The following IMMP2L variants were observed in gnomAD, a reference collection of about 807,000 sequenced individuals.
The protein encoded by IMMP2L is inner mitochondrial membrane peptidase subunit 2, also known as mitochondrial inner membrane protease subunit 2.
IMMP2L carries 18 observed loss-of-function variants against 19.3 expected under a neutral mutation model. The ratio of observed to expected loss-of-function variants is 0.93; its 90% CI spans 0.64 to 1.38. The LOEUF is 1.38. Among genes scored for constraint, IMMP2L ranks in the 40% most tolerant of loss-of-function variants. IMMP2L has a pLI of 0.00. For synonymous variants in IMMP2L, 76 were observed against 73.0 expected (o/e 1.04, Z -0.21); for missense variants, 233 against 218.2 (o/e 1.07, Z -0.43).
intron 3 of IMMP2L, among the ~76,000 whole-genome samples, chr7:111,157,973 T>C (rs1397919387): frequency 6.6e-6 from 1 of 152,046 alleles, no homozygotes; most frequent in African/African-American, 2.4e-5. Context: ...ATTAACTTAC[T>C]GTAGTTGTCT....
chr7:110,701,340 G>A (rs1395316886), intron 5 of IMMP2L, among the ~76,000 whole-genome samples: 1 of 152,076 alleles, frequency 6.6e-6, no homozygotes, highest in African/African-American at 2.4e-5. Context: ...ACTATTTAGT[G>A]CTTACTAAGT....
chr7:111,552,226 A>G (rs1198749394), intron 1 of IMMP2L, among the ~76,000 whole-genome samples: 2 of 152,194 alleles, frequency 1.3e-5, no homozygotes, highest in Non-Finnish European at 2.9e-5. Flanking sequence ...AACATGGCAC[A>G]AAGCAAAATA....
intron 5 of IMMP2L, among the ~76,000 whole-genome samples, chr7:110,813,432 C>CT (rs113097047): frequency 0.011 from 1,618 of 144,828 alleles, 41 homozygotes; most frequent in African/African-American, 0.036. Context: ...ACATTTCTTT[C>CT]TTTTTTTTTT....
chr7:110,852,446 C>G (rs1164011352), intron 5 of IMMP2L, among the ~76,000 whole-genome samples: 2 of 151,918 alleles, frequency 1.3e-5, no homozygotes, highest in Non-Finnish European at 2.9e-5. Context: ...CAGAATGGTA[C>G]CTGCACATGC....
At chr7:111,506,760 C>T (rs1394692212) in intron 2 of IMMP2L, among the ~76,000 whole-genome samples, 4 of 152,128 alleles carry the variant, frequency 2.6e-5, no homozygotes. Flanking sequence ...GCACAAAGCC[C>T]TGAAGAGTTT....
chr7:110,893,566 T>C (rs1041251329), intron 4 of IMMP2L, among the ~76,000 whole-genome samples: 2 of 152,196 alleles, frequency 1.3e-5, no homozygotes, highest in African/African-American at 4.8e-5. Flanking sequence ...TTTTGACTTT[T>C]TACACAAATA....
At chr7:110,812,553 G>A (rs529031479) in intron 5 of IMMP2L, among the ~76,000 whole-genome samples, 8 of 152,138 alleles carry the variant, frequency 5.3e-5, no homozygotes, top group Non-Finnish European at 1.0e-4. Context: ...TTATTTAGCA[G>A]GAGGACAAGG....
At chr7:110,826,008 C>G (rs528163221) in intron 5 of IMMP2L, among the ~76,000 whole-genome samples, 2 of 152,040 alleles carry the variant, frequency 1.3e-5, no homozygotes, top group Non-Finnish European at 2.9e-5. Flanking sequence ...ACAAACAACC[C>G]CATCAAAAAG....
chr7:110,923,158 A>C lies in IMMP2L; in HGVS notation c.306-36463T>G, dbSNP rs536504086. Among the ~76,000 whole-genome samples, 42 of 152,316 alleles carry C rather than the reference A, an allele frequency of 2.8e-4. No homozygotes were observed. In the South Asian group the frequency reaches 8.3e-3, roughly 30 times the overall value. On this transcript the variant is annotated intron_variant, in intron 4 of 5. Coordinates refer to ENST00000405709, the MANE Select transcript of IMMP2L (RefSeq NM_032549.4). The stretch of plus-strand genomic sequence containing the variant: ...ACAGAAAAAGAACATGTAAACAGTG[A>C]GTCATTTGCCATTCATGAATCAGCT...
At chr7:111,300,569 A>T (rs1293138228) in intron 3 of IMMP2L, among the ~76,000 whole-genome samples, 1 of 152,064 alleles carries the variant, frequency 6.6e-6, no homozygotes, top group African/African-American at 2.4e-5. Context: ...TTCCATCACC[A>T]CAAGGATGCC....
chr7:111,401,134 A>G (rs890196156), intron 3 of IMMP2L, among the ~76,000 whole-genome samples: 2 of 152,140 alleles, frequency 1.3e-5, no homozygotes, highest in African/African-American at 4.8e-5. Context: ...ATCTTGTTGA[A>G]ATACCCCAAA....
chr7:111,394,225 T>C (rs1484142936), intron 3 of IMMP2L, among the ~76,000 whole-genome samples: 1 of 152,162 alleles, frequency 6.6e-6, no homozygotes, highest in East Asian at 1.9e-4. Flanking sequence ...GACACAAAGA[T>C]GAATCTTAGG....
chr7:111,346,394 G>A (rs942757954), intron 3 of IMMP2L, among the ~76,000 whole-genome samples: 1 of 152,092 alleles, frequency 6.6e-6, no homozygotes, highest in Non-Finnish European at 1.5e-5. Context: ...CTGAGCATCT[G>A]TTAGATCCAG....
At chr7:111,050,346 T>C (rs988629481) in intron 3 of IMMP2L, among the ~76,000 whole-genome samples, 1 of 152,180 alleles carries the variant, frequency 6.6e-6, no homozygotes, top group Non-Finnish European at 1.5e-5. Context: ...ATTGTATCAA[T>C]CTCTAGGAGC....
At chr7:110,962,440 AT>A (rs5886586) in intron 4 of IMMP2L, 97,503 of 149,874 alleles carry the variant, frequency 0.65, 32,520 homozygotes, top group African/African-American at 0.81. Context: ...AAAAATAATG[AT>A]TTTTTTTTTT....
At chr7:111,262,859 T>G (rs549792895) in intron 3 of IMMP2L, among the ~76,000 whole-genome samples, 99 of 152,240 alleles carry the variant, frequency 6.5e-4, no homozygotes, top group Admixed American at 4.3e-3. Flanking sequence ...CTCTCTCTCA[T>G]TTGTCTAAGC....
intron 5 of IMMP2L, among the ~76,000 whole-genome samples, chr7:110,733,215 T>C (rs945974025): frequency 1.3e-5 from 2 of 152,190 alleles, no homozygotes; most frequent in Non-Finnish European, 2.9e-5. Flanking sequence ...TACAGGGTTG[T>C]CAGGGACTGG....
chr7:110,697,814 A>G (rs1042742463), intron 5 of IMMP2L, among the ~76,000 whole-genome samples: 7 of 152,226 alleles, frequency 4.6e-5, no homozygotes, highest in Non-Finnish European at 7.3e-5. Flanking sequence ...AAATAAAAAA[A>G]TAATTCTTAA....
At chr7:111,546,818 A>C (rs946081449) in intron 1 of IMMP2L, among the ~76,000 whole-genome samples, 4 of 152,174 alleles carry the variant, frequency 2.6e-5, no homozygotes, top group African/African-American at 9.6e-5. Flanking sequence ...ATAGTAGCAC[A>C]CAGCAAGGAA....
Sources: gnomAD v4.1 joint callset for allele counts (sites outside exome capture counted in the v4.1 genomes callset) on GRCh38, gnomAD v4.1.1 for gene constraint, MANE v1.5 for transcripts, NCBI Gene and HGNC (gene_info 2026-07-23, HGNC 2026-07-21) for gene names.